Variants in SLAIN2 observed in about 807,000 individuals in gnomAD.
The protein encoded by SLAIN2 is SLAIN motif-containing protein 2.
In SLAIN2, 31 loss-of-function variants were observed where a neutral mutation model predicts 56.6. The ratio of observed to expected loss-of-function variants is 0.55; its 90% CI spans 0.41 to 0.74. The LOEUF (loss-of-function observed/expected upper bound fraction) is 0.74. Among genes scored for constraint, SLAIN2 ranks in the 30% least tolerant of loss-of-function variants. The pLI is 0.00. For missense variants in SLAIN2, 777 were observed against 754.2 expected (o/e 1.03, Z -0.35); for synonymous variants, 317 against 284.9 (o/e 1.11, Z -1.13).
intron 6 of SLAIN2, among the ~76,000 whole-genome samples, chr4:48,409,945 G>A (rs1228921667): frequency 2.6e-5 from 4 of 152,270 alleles, no homozygotes; most frequent in African/African-American, 9.6e-5. Context: ...GGACAGACAT[G>A]TTTTAGTTCT....
At chr4:48,403,945 A>C (rs1451732550) in intron 6 of SLAIN2, among the ~76,000 whole-genome samples, 1 of 152,146 alleles carries the variant, frequency 6.6e-6, no homozygotes, top group Non-Finnish European at 1.5e-5. Flanking sequence ...CCGTGGGAGA[A>C]GCGTGGTTTC....
At chr4:48,363,985 A>C (rs1329624377) in intron 1 of SLAIN2, among the ~76,000 whole-genome samples, 8 of 106,248 alleles carry the variant, frequency 7.5e-5, no homozygotes, top group Admixed American at 2.5e-4. Flanking sequence ...GACCCCCCCC[A>C]CCTCCCTCCC....
At chr4:48,368,757 TGTAGACTA>T (rs887796383) in intron 1 of SLAIN2, among the ~76,000 whole-genome samples, 1 of 152,224 alleles carries the variant, frequency 6.6e-6, no homozygotes, top group Non-Finnish European at 1.5e-5. Context: ...GAATTTGGAT[TGTAGACTA>T]AAGAAATGGT....
Position 48,350,857 on chromosome 4 carries a change from T to C in SLAIN2, c.389+8729T>C, listed in dbSNP as rs185646314. 5.9e-4 allele frequency among the ~76,000 whole-genome samples: 90 copies of C among 152,346 alleles called. 1 individual carries two copies. The East Asian group carries it at 7.1e-3, about 12-fold the overall frequency. On this transcript the variant is annotated intron_variant, in intron 1 of 7. Transcript: ENST00000264313. Reference sequence around the variant, plus strand: ...ATTAGAGACTTTAGAGAAAAAAATATTGATTCTATCTCCTTGAAATATGAA... The same window carrying C: ...ATTAGAGACTTTAGAGAAAAAAATACTGATTCTATCTCCTTGAAATATGAA...
At chr4:48,394,736 G>A (rs113335365) in intron 6 of SLAIN2, 2 of 1,015,572 alleles carry the variant, frequency 2.0e-6, no homozygotes, top group Non-Finnish European at 2.9e-6. Context: ...TGAGTCAGTG[G>A]TGTCTGTAAG....
rs147907334 is a variant in SLAIN2, at chr4:48,397,471, T to C, written c.1360+13687T>C. Among the ~76,000 whole-genome samples, 533 of 152,344 alleles carry C rather than the reference T, an allele frequency of 3.5e-3. 4 individuals are homozygous for C. The highest frequency in any genetic ancestry group is 0.012 in the African/African-American group (515 of 41,582). On this transcript the variant is annotated intron_variant, in intron 6 of 7. Transcript: ENST00000264313. ...GATACGTTGAAATAAACAGTATTTATAGAAGACCTTAATGATAAGATTTTT... is the reference window on the plus strand; with the variant it reads ...GATACGTTGAAATAAACAGTATTTACAGAAGACCTTAATGATAAGATTTTT...
intron 6 of SLAIN2, among the ~76,000 whole-genome samples, chr4:48,401,072 T>A (rs1248856591): frequency 6.6e-6 from 1 of 152,196 alleles, no homozygotes; most frequent in African/African-American, 2.4e-5. Context: ...CAGGAACAGG[T>A]TGTTCACTTT....
At chr4:48,342,947 G>GC (rs1271916667) in intron 1 of SLAIN2, among the ~76,000 whole-genome samples, 38 of 151,928 alleles carry the variant, frequency 2.5e-4, no homozygotes, top group African/African-American at 6.3e-4. Context: ...TGAAATTGTG[G>GC]CCCCCCCACC....
In SLAIN2 at chr4:48,382,833, G is replaced by A; in HGVS notation, c.1128G>A (p.Val376=). 6.2e-7 allele frequency: 1 copy of A among 1,613,634 alleles called. No homozygotes were observed. Among genetic ancestry groups the A allele is most frequent in the South Asian group, 1.1e-5 (1 of 91,058 alleles). ...CTCGGGGAATAGAATATAGTAGAGT[G>A]TCCCCACAGCCTATGATTAGCCGCT... ...SPARGIEYSR[V]SPQPMISRLQ... is the part of the protein sequence containing the mutation. Residue 376 remains valine (V), a synonymous_variant, in exon 5 of 8, where the codon GTG becomes GTA. Transcript: ENST00000264313.
rs1206657452 is a variant in SLAIN2, at chr4:48,342,077, G to T, written c.338G>T (p.Arg113Leu). 1 of 1,370,404 alleles carries T rather than the reference G, an allele frequency of 7.3e-7. No individual in the cohort carries two copies. The allele number at this position is 1,370,404 out of a possible 1,614,324, so 84.9% of individuals were successfully genotyped here. A position where few individuals can be genotyped will look rare whatever the true frequency, so the allele number is the denominator to read the frequency against. The change falls in exon 1 of 8, where the codon CGG (arginine) becomes CTG (leucine). Residue 113 changes from arginine (R) to leucine (L), a missense_variant. Arg to Leu is a moderately radical substitution (Grantham distance 102). Coordinates refer to ENST00000264313, the MANE Select transcript of SLAIN2 (RefSeq NM_020846.2). Reference sequence around the variant, plus strand: ...TTGCTGGACGAGGTGGAGCCGCTGCGGCCCGACGAGCTGGAGCGCCTGTCA... The same window carrying T: ...TTGCTGGACGAGGTGGAGCCGCTGCTGCCCGACGAGCTGGAGCGCCTGTCA... ...GGLLDEVEPL[R>L]PDELERLSGW...
intron 6 of SLAIN2, among the ~76,000 whole-genome samples, chr4:48,385,523 A>G (rs1299536972): frequency 6.6e-6 from 1 of 152,188 alleles, no homozygotes; most frequent in African/African-American, 2.4e-5. Flanking sequence ...CATTTTCTCA[A>G]GGCTATGAAG....
At chr4:48,392,145 T>C (rs1716249772) in intron 6 of SLAIN2, among the ~76,000 whole-genome samples, 1 of 152,236 alleles carries the variant, frequency 6.6e-6, no homozygotes, top group African/African-American at 2.4e-5. Context: ...TAATTCAGAA[T>C]AACATTGGAT....
chr4:48,383,000 A>G, intron 5 of SLAIN2, 73 bp downstream of exon 5: 4 of 1,447,424 alleles, frequency 2.8e-6, no homozygotes, highest in Non-Finnish European at 3.6e-6. Context: ...CCCCGTCTCT[A>G]GGAAAAAAAT....
chr4:48,371,996 A>G (rs547084761), intron 2 of SLAIN2, among the ~76,000 whole-genome samples: 7,915 of 147,442 alleles, frequency 0.054, 292 homozygotes, highest in African/African-American at 0.1. Flanking sequence ...ACACGCGCGC[A>G]CACACACACA....
intron 2 of SLAIN2, among the ~76,000 whole-genome samples, chr4:48,374,053 G>A (rs1219894951): frequency 6.6e-6 from 1 of 152,068 alleles, no homozygotes; most frequent in Non-Finnish European, 1.5e-5. Context: ...AAAGGAGATG[G>A]AGTAGAGCAT....
At chr4:48,378,202 A>G (rs1715878775) in intron 3 of SLAIN2, 142 bp downstream of exon 3, 2 of 888,032 alleles carry the variant, frequency 2.3e-6, no homozygotes, top group South Asian at 1.8e-5. Flanking sequence ...TTGAGGAGCA[A>G]CTTAGCACCA....
intron 1 of SLAIN2, among the ~76,000 whole-genome samples, chr4:48,369,250 CTTTCTGTATACTT>C (rs1715605083): frequency 1.3e-5 from 2 of 152,128 alleles, no homozygotes; most frequent in African/African-American, 4.8e-5. Context: ...TCAACTTTTC[CTTTCTGTATACTT>C]TCCCTGTTAG....
At chr4:48,398,672 T>A (rs932650096) in intron 6 of SLAIN2, among the ~76,000 whole-genome samples, 3 of 152,208 alleles carry the variant, frequency 2.0e-5, no homozygotes, top group African/African-American at 7.2e-5. Context: ...AAATTTTTTA[T>A]AAGGTGTAAG....
chr4:48,365,363 G>A (rs1237117252), intron 1 of SLAIN2, among the ~76,000 whole-genome samples: 2 of 149,284 alleles, frequency 1.3e-5, no homozygotes, highest in African/African-American at 2.5e-5. Context: ...CTAGCTACTC[G>A]GGAGGCTGAG....
Sources: gnomAD v4.1 joint callset for allele counts (sites outside exome capture counted in the v4.1 genomes callset) on GRCh38, gnomAD v4.1.1 for gene constraint, MANE v1.5 for transcripts, NCBI Gene and HGNC (gene_info 2026-07-23, HGNC 2026-07-21) for gene names.